EYS: variants seen among roughly 807,000 people sequenced by gnomAD.
EYS encodes EGF-like photoreceptor maintenance factor, also known as protein eyes shut homolog.
Under a neutral mutation model 282.1 loss-of-function variants are expected in EYS, and 250 were observed. That is an observed-to-expected ratio of 0.89 (90% CI 0.80 to 0.98). EYS has a LOEUF of 0.98. Among genes scored for constraint, EYS ranks in the 50% least tolerant of loss-of-function variants. The probability of loss-of-function intolerance (pLI) is 0.00; values close to 1 mark genes in which losing one functional copy is unlikely to be tolerated. For missense variants in EYS, 4,016 were observed against 3,709.0 expected (o/e 1.08, Z -2.15); for synonymous variants, 1,355 against 1,282.9 (o/e 1.06, Z -1.20).
chr6:64,475,030 T>G (rs142269592), intron 26 of EYS, among the ~76,000 whole-genome samples: 1 of 152,300 alleles, frequency 6.6e-6, no homozygotes, highest in East Asian at 1.9e-4. Flanking sequence ...TGAGAAAACA[T>G]AAATTTACAA....
intron 1 of EYS, among the ~76,000 whole-genome samples, chr6:65,703,157 C>T (rs1001342461): frequency 1.3e-5 from 2 of 152,088 alleles, no homozygotes; most frequent in African/African-American, 4.8e-5. Context: ...TCCCATGAAC[C>T]AATTCCTTAA....
chr6:63,993,107 A>G (rs1767678456), intron 34 of EYS, among the ~76,000 whole-genome samples: 1 of 151,812 alleles, frequency 6.6e-6, no homozygotes, highest in Admixed American at 6.6e-5. Flanking sequence ...ATCTCAATAA[A>G]CGCAAAATGT....
intron 7 of EYS, among the ~76,000 whole-genome samples, chr6:65,391,134 C>T (rs1467888145): frequency 6.6e-6 from 1 of 151,766 alleles, no homozygotes; most frequent in Non-Finnish European, 1.5e-5. Flanking sequence ...GAAATTAATA[C>T]ATTGAAGGAA....
chr6:64,413,575 A>C (rs200499732), intron 28 of EYS, among the ~76,000 whole-genome samples: 4 of 131,998 alleles, frequency 3.0e-5, no homozygotes, highest in East Asian at 5.3e-4. Context: ...CCAAAAAAAA[A>C]CCTCCCCTCC....
At chr6:65,110,524 GT>G (rs1775184915) in intron 12 of EYS, among the ~76,000 whole-genome samples, 1 of 151,950 alleles carries the variant, frequency 6.6e-6, no homozygotes, top group African/African-American at 2.4e-5. Context: ...ATGACAAGAT[GT>G]TTTCCAAATA....
At chr6:65,334,635 T>C (rs2150313311) in intron 11 of EYS, among the ~76,000 whole-genome samples, 1 of 152,002 alleles carries the variant, frequency 6.6e-6, no homozygotes, top group Middle Eastern at 3.4e-3. Context: ...TTGTTTGTTT[T>C]GTTGTTGTTT....
intron 24 of EYS, among the ~76,000 whole-genome samples, chr6:64,602,712 C>T (rs926697975): frequency 6.6e-6 from 1 of 152,034 alleles, no homozygotes; most frequent in Non-Finnish European, 1.5e-5. Context: ...CCATTTACCA[C>T]TATCCCATTT....
chr6:65,683,675 T>A (rs969796618), intron 1 of EYS, among the ~76,000 whole-genome samples: 4 of 152,028 alleles, frequency 2.6e-5, no homozygotes, highest in Admixed American at 2.6e-4. Flanking sequence ...TTTTAAAAAC[T>A]AGCAGCACAT....
chr6:64,221,075 G>C (rs1026907799), intron 31 of EYS, among the ~76,000 whole-genome samples: 1 of 152,142 alleles, frequency 6.6e-6, no homozygotes, highest in African/African-American at 2.4e-5. Context: ...CACAGAATTG[G>C]TGTGTGGAAT....
intron 5 of EYS, among the ~76,000 whole-genome samples, chr6:65,485,318 T>C (rs1380844960): frequency 6.6e-6 from 1 of 152,248 alleles, no homozygotes; most frequent in Non-Finnish European, 1.5e-5. Flanking sequence ...CTTCTGATGA[T>C]GAGCTAGGTG....
intron 2 of EYS, among the ~76,000 whole-genome samples, chr6:65,502,880 C>A (rs1405343804): frequency 6.6e-6 from 1 of 151,608 alleles, no homozygotes; most frequent in Non-Finnish European, 1.5e-5. Context: ...ATTTTCATCA[C>A]ATCATATGGT....
At chr6:65,097,170 T>A (rs1343217502) in intron 12 of EYS, among the ~76,000 whole-genome samples, 1 of 151,010 alleles carries the variant, frequency 6.6e-6, no homozygotes, top group Non-Finnish European at 1.5e-5. Flanking sequence ...TAATCTGATT[T>A]ATAAATTGGC....
At chr6:64,878,434 C>T (rs1437817059) in intron 19 of EYS, among the ~76,000 whole-genome samples, 1 of 152,052 alleles carries the variant, frequency 6.6e-6, no homozygotes, top group Non-Finnish European at 1.5e-5. Flanking sequence ...ACAATTGAAA[C>T]TTCAATAGAG....
chr6:65,497,605 G>T (rs1005770647), intron 2 of EYS, among the ~76,000 whole-genome samples: 1 of 151,930 alleles, frequency 6.6e-6, no homozygotes, highest in African/African-American at 2.4e-5. Flanking sequence ...CTCAGTAAAG[G>T]AGCTCATATT....
chr6:64,357,397 T>G (rs528704250), intron 29 of EYS, among the ~76,000 whole-genome samples: 2 of 151,782 alleles, frequency 1.3e-5, no homozygotes, highest in Non-Finnish European at 3.0e-5. Flanking sequence ...ACAAGTGATA[T>G]TTTTATTTTT....
At chr6:64,846,317 T>G (rs1765712007) in intron 19 of EYS, among the ~76,000 whole-genome samples, 1 of 152,268 alleles carries the variant, frequency 6.6e-6, no homozygotes, top group East Asian at 1.9e-4. Flanking sequence ...AGGTCAATCA[T>G]AGTTCTGGTT....
At chr6:64,873,362 G>T (rs1310323385) in intron 19 of EYS, among the ~76,000 whole-genome samples, 1 of 151,994 alleles carries the variant, frequency 6.6e-6, no homozygotes, top group Non-Finnish European at 1.5e-5. Context: ...AATTCAAGAA[G>T]AGATTTGGGA....
intron 26 of EYS, among the ~76,000 whole-genome samples, chr6:64,518,372 A>G (rs72874919): frequency 0.01 from 1,534 of 151,768 alleles, 10 homozygotes; most frequent in Non-Finnish European, 0.016. Flanking sequence ...GCTGGATCTT[A>G]GTGGATGCTG....
intron 1 of EYS, among the ~76,000 whole-genome samples, chr6:65,687,218 A>G (rs1190767905): frequency 6.6e-6 from 1 of 152,090 alleles, no homozygotes; most frequent in East Asian, 1.9e-4. Context: ...GAGACTACTT[A>G]AAAAGAATAC....
Sources: allele counts gnomAD v4.1 joint callset (sites outside exome capture counted in the v4.1 genomes callset), GRCh38; gene constraint gnomAD v4.1.1; transcripts MANE v1.5; gene names NCBI Gene and HGNC (gene_info 2026-07-23, HGNC 2026-07-21).